Variants in PKNOX2 observed in about 807,000 individuals in gnomAD.
PKNOX2 encodes the protein homeobox protein PKNOX2.
PKNOX2 carries 14 observed loss-of-function variants against 53.1 expected under a neutral mutation model. That is an observed-to-expected ratio of 0.26 (90% CI 0.17 to 0.41). The LOEUF is 0.41. Among genes scored for constraint, PKNOX2 ranks in the 10% least tolerant of loss-of-function variants. PKNOX2 has a pLI of 1.00. For synonymous variants in PKNOX2, 257 were observed against 242.8 expected (o/e 1.06, Z -0.54); for missense variants, 496 against 602.8 (o/e 0.82, Z 1.85).
chr11:125,296,963 T>C (rs572111330), intron 2 of PKNOX2, among the ~76,000 whole-genome samples: 1 of 152,284 alleles, frequency 6.6e-6, no homozygotes, highest in African/African-American at 2.4e-5. Flanking sequence ...CAACGAGAAG[T>C]TGTCCTATGA....
chr11:125,392,926 A>T (rs1237825318), intron 6 of PKNOX2, among the ~76,000 whole-genome samples: 1 of 152,116 alleles, frequency 6.6e-6, no homozygotes, highest in East Asian at 1.9e-4. Context: ...TGGGAGGCCA[A>T]GGTGGGCGGA....
At chr11:125,424,405 G>A (rs948780668) in intron 10 of PKNOX2, among the ~76,000 whole-genome samples, 5 of 151,910 alleles carry the variant, frequency 3.3e-5, no homozygotes, top group African/African-American at 1.2e-4. Context: ...CACCATCAGT[G>A]GCCTCTTAGA....
chr11:125,199,314 G>A (rs1243194760), intron 1 of PKNOX2, among the ~76,000 whole-genome samples: 1 of 152,256 alleles, frequency 6.6e-6, no homozygotes, highest in South Asian at 2.1e-4. Context: ...GGGGGAGAAC[G>A]GCTGCTCCCA....
chr11:125,331,805 AC>A lies in PKNOX2; in HGVS notation c.-129-11del, dbSNP rs1156553669. 2 of 152,236 alleles carry A rather than the reference AC, an allele frequency of 1.3e-5. No homozygotes were observed. Among genetic ancestry groups the A allele is most frequent in the South Asian group, 4.2e-4 (2 of 4,814 alleles). 9.4% of individuals were successfully genotyped at this position (152,236 alleles called of 1,614,324 possible). ...TGCCTTCCCTGCTGAGAGCTGCTCT[AC>A]CCTTTTTTGCAGGTGCTTTGGCTCT... On this transcript the variant is annotated splice_polypyrimidine_tract_variant and intron_variant, in intron 2 of 12. Transcript: ENST00000298282.
At chr11:125,199,284 A>G (rs961633957) in intron 1 of PKNOX2, among the ~76,000 whole-genome samples, 3 of 152,034 alleles carry the variant, frequency 2.0e-5, no homozygotes, top group Non-Finnish European at 2.9e-5. Context: ...TGCTCTGAGG[A>G]GGTCAAAGAG....
intron 9 of PKNOX2, chr11:125,411,460 C>G: frequency 7.8e-6 from 3 of 385,740 alleles, no homozygotes; most frequent in East Asian, 4.9e-5. Context: ...TTTCCTCTGT[C>G]TTTCTCTCTC....
chr11:125,266,139 A>G (rs947405328), intron 2 of PKNOX2, among the ~76,000 whole-genome samples: 2 of 152,190 alleles, frequency 1.3e-5, no homozygotes, highest in African/African-American at 4.8e-5. Flanking sequence ...TGATATGATA[A>G]ATGTGACAAT....
intron 5 of PKNOX2, among the ~76,000 whole-genome samples, chr11:125,382,204 A>G (rs1953284146): frequency 6.6e-6 from 1 of 152,256 alleles, no homozygotes; most frequent in South Asian, 2.1e-4. Flanking sequence ...ATCTGTGCTT[A>G]TATACAGCAT....
chr11:125,222,694 GTA>G (rs1430997621), intron 1 of PKNOX2, among the ~76,000 whole-genome samples: 14 of 147,132 alleles, frequency 9.5e-5, no homozygotes, highest in South Asian at 4.3e-4. Context: ...GTATGTGTGT[GTA>G]TGTGTGTGTG....
At chr11:125,314,789 A>G (rs1030352205) in intron 2 of PKNOX2, among the ~76,000 whole-genome samples, 1 of 151,884 alleles carries the variant, frequency 6.6e-6, no homozygotes, top group Non-Finnish European at 1.5e-5. Context: ...TCCGATGAGG[A>G]TGCTCCTTGG....
intron 2 of PKNOX2, among the ~76,000 whole-genome samples, chr11:125,259,772 G>T (rs1424895630): frequency 6.6e-6 from 1 of 152,074 alleles, no homozygotes; most frequent in Non-Finnish European, 1.5e-5. Flanking sequence ...TTCACACATT[G>T]TCTACTTACT....
At chr11:125,366,449 C>T (rs909661451) in intron 4 of PKNOX2, among the ~76,000 whole-genome samples, 3 of 152,222 alleles carry the variant, frequency 2.0e-5, no homozygotes, top group African/African-American at 7.2e-5. Flanking sequence ...ATTTATTGAA[C>T]ACCTACTAGT....
chr11:125,262,072 G>C (rs1454594987), intron 2 of PKNOX2, among the ~76,000 whole-genome samples: 1 of 152,096 alleles, frequency 6.6e-6, no homozygotes, highest in Non-Finnish European at 1.5e-5. Flanking sequence ...CACTAAGAAG[G>C]GTGTTAATTC....
At chr11:125,295,143 C>T (rs1050365761) in intron 2 of PKNOX2, among the ~76,000 whole-genome samples, 1 of 152,106 alleles carries the variant, frequency 6.6e-6, no homozygotes, top group Non-Finnish European at 1.5e-5. Context: ...TATATACACA[C>T]ACATCTATGA....
intron 1 of PKNOX2, among the ~76,000 whole-genome samples, chr11:125,184,708 T>G (rs1313350957): frequency 6.6e-6 from 1 of 152,110 alleles, no homozygotes; most frequent in Non-Finnish European, 1.5e-5. Flanking sequence ...CCTCAGAACC[T>G]CTTCTCACAC....
chr11:125,176,949 C>T (rs138808528), intron 1 of PKNOX2, among the ~76,000 whole-genome samples: 48 of 152,314 alleles, frequency 3.2e-4, no homozygotes, highest in Non-Finnish European at 5.4e-4. Flanking sequence ...TGCAGGCATC[C>T]CTTCCGCATT....
Position 125,431,248 on chromosome 11 carries a change from C to T in PKNOX2, c.1275C>T (p.His425=), listed in dbSNP as rs146936477. ...MAMQQAMMAA[H]DDSLDGTEEE... ...TGCAGCAGGCTATGATGGCTGCACA[C>T]GATGACTCATTGGATGGGACAGAAG... is the stretch of plus-strand genomic sequence containing the variant. The change falls in exon 13 of 13, where the codon CAC becomes CAT. Residue 425 remains histidine (H), a synonymous_variant. Coordinates refer to ENST00000298282, the MANE Select transcript of PKNOX2 (RefSeq NM_001382323.2). 1.6e-4 allele frequency: 261 copies of T among 1,613,648 alleles called. 2 individuals carry two copies. The highest frequency in any genetic ancestry group is 1.3e-3 in the Middle Eastern group (8 of 6,060).
intron 3 of PKNOX2, among the ~76,000 whole-genome samples, chr11:125,335,295 C>T (rs1305213782): frequency 6.6e-6 from 1 of 152,226 alleles, no homozygotes; most frequent in Non-Finnish European, 1.5e-5. Context: ...AGCTTGTCTG[C>T]TGTTTCCTGA....
At chr11:125,245,669 G>A (rs1014550646) in intron 2 of PKNOX2, among the ~76,000 whole-genome samples, 1 of 152,236 alleles carries the variant, frequency 6.6e-6, no homozygotes, top group African/African-American at 2.4e-5. Flanking sequence ...AGCTCAGGCT[G>A]CTGCTGACTC....
Sources: allele counts gnomAD v4.1 joint callset (sites outside exome capture counted in the v4.1 genomes callset), GRCh38; gene constraint gnomAD v4.1.1; transcripts MANE v1.5; gene names NCBI Gene and HGNC (gene_info 2026-07-23, HGNC 2026-07-21).